Variants in GRM8 observed in about 807,000 individuals in gnomAD.
GRM8 encodes metabotropic glutamate receptor 8.
Under a neutral mutation model 87.2 loss-of-function variants are expected in GRM8, and 47 were observed. The ratio of observed to expected loss-of-function variants is 0.54; its 90% confidence interval spans 0.43 to 0.69. GRM8 has a LOEUF of 0.69. Ranked by LOEUF, GRM8 falls within the 30% of genes least tolerant of loss-of-function variation. The probability of loss-of-function intolerance (pLI) is 0.00; values close to 1 mark genes in which losing one functional copy is unlikely to be tolerated. For missense variants in GRM8, 1,019 were observed against 1,139.2 expected, an observed-to-expected ratio of 0.89 and a Z score of 1.52; for synonymous variants, 396 against 404.5, an observed-to-expected ratio of 0.98 and a Z score of 0.25.
intron 6 of GRM8, among the ~76,000 whole-genome samples, chr7:126,777,988 A>G (rs1319324401): frequency 6.6e-6 from 1 of 152,208 alleles, no homozygotes; most frequent in Non-Finnish European, 1.5e-5. Flanking sequence ...CTATGCCTTT[A>G]TATGATTTTT....
chr7:126,445,272 C>A (rs1054619995), intron 10 of GRM8: 4 of 152,014 alleles, frequency 2.6e-5, no homozygotes, highest in African/African-American at 9.7e-5. Context: ...ATCTGTAGAA[C>A]CTAGTAAGGT....
At chr7:126,463,489 G>A (rs1804129966) in intron 9 of GRM8, among the ~76,000 whole-genome samples, 1 of 151,516 alleles carries the variant, frequency 6.6e-6, no homozygotes, top group Non-Finnish European at 1.5e-5. Context: ...ACATTAATAC[G>A]ATGTTCTAAC....
intron 3 of GRM8, among the ~76,000 whole-genome samples, chr7:126,940,843 C>T (rs1264827669): frequency 1.3e-5 from 2 of 152,110 alleles, no homozygotes; most frequent in Non-Finnish European, 2.9e-5. Context: ...CTGGTTGTCC[C>T]GGCTAAGAGC....
chr7:126,460,846 G>A (rs1290488341), intron 9 of GRM8, among the ~76,000 whole-genome samples: 9 of 151,478 alleles, frequency 5.9e-5, no homozygotes, highest in Admixed American at 5.9e-4. Flanking sequence ...CTTGCTGGTA[G>A]CCCTGCAACT....
intron 1 of GRM8, among the ~76,000 whole-genome samples, chr7:127,244,731 CCCGA>C (rs1210292152): frequency 6.6e-6 from 1 of 152,082 alleles, no homozygotes; most frequent in Non-Finnish European, 1.5e-5. Flanking sequence ...TCCTTCTTGC[CCCGA>C]AAGGAAAGAT....
chr7:127,143,195 G>T (rs577355316), intron 2 of GRM8, among the ~76,000 whole-genome samples: 1 of 152,082 alleles, frequency 6.6e-6, no homozygotes, highest in South Asian at 2.1e-4. Context: ...AGGTAAGCCT[G>T]TTGGAAGGGA....
At chr7:126,505,637 C>T (rs977062540) in intron 9 of GRM8, among the ~76,000 whole-genome samples, 3 of 152,036 alleles carry the variant, frequency 2.0e-5, no homozygotes, top group Non-Finnish European at 4.4e-5. Flanking sequence ...CTAGATGTCT[C>T]CTGCCCCGCT....
At chr7:126,769,222 A>G (rs568352737) in intron 7 of GRM8, among the ~76,000 whole-genome samples, 6 of 152,116 alleles carry the variant, frequency 3.9e-5, no homozygotes, top group Non-Finnish European at 7.4e-5. Flanking sequence ...CACTTCAGAC[A>G]GGCAGTTGGG....
At chr7:127,241,198 G>T (rs1399378906) in intron 2 of GRM8, among the ~76,000 whole-genome samples, 2 of 152,164 alleles carry the variant, frequency 1.3e-5, no homozygotes, top group Non-Finnish European at 2.9e-5. Context: ...TCCATACAGA[G>T]GCTGCACAGC....
intron 9 of GRM8, among the ~76,000 whole-genome samples, chr7:126,498,733 C>G (rs1809167286): frequency 6.6e-6 from 1 of 151,960 alleles, no homozygotes; most frequent in African/African-American, 2.4e-5. Flanking sequence ...CCAATATATT[C>G]AAGCTTCATT....
intron 6 of GRM8, among the ~76,000 whole-genome samples, chr7:126,825,651 T>C (rs907925465): frequency 3.3e-5 from 5 of 152,156 alleles, no homozygotes; most frequent in South Asian, 2.1e-4. Context: ...AGAAAAAAAG[T>C]TGTAACTTCA....
chr7:126,826,629 T>A (rs1392583566), intron 6 of GRM8, among the ~76,000 whole-genome samples: 2 of 152,166 alleles, frequency 1.3e-5, no homozygotes, highest in Non-Finnish European at 2.9e-5. Flanking sequence ...CTTTGTCAGA[T>A]GAGTAGGTTG....
chr7:126,563,365 T>C (rs1279793652), intron 8 of GRM8, among the ~76,000 whole-genome samples: 2 of 151,856 alleles, frequency 1.3e-5, no homozygotes, highest in African/African-American at 4.8e-5. Flanking sequence ...TACTAAGAAA[T>C]TGTAGTGTAA....
At chr7:127,230,820 G>A (rs993870609) in intron 2 of GRM8, among the ~76,000 whole-genome samples, 1 of 151,820 alleles carries the variant, frequency 6.6e-6, no homozygotes, top group Non-Finnish European at 1.5e-5. Context: ...AAATGTGAGG[G>A]GAAAAAAAGG....
At chr7:126,680,922 G>A (rs577724810) in intron 7 of GRM8, among the ~76,000 whole-genome samples, 2 of 152,102 alleles carry the variant, frequency 1.3e-5, no homozygotes, top group Non-Finnish European at 2.9e-5. Context: ...TCACACACAC[G>A]TATGTATTCA....
At chr7:126,816,227 T>C (rs1022339485) in intron 6 of GRM8, among the ~76,000 whole-genome samples, 2 of 152,098 alleles carry the variant, frequency 1.3e-5, no homozygotes, top group South Asian at 2.1e-4. Context: ...AGCTTTCCCA[T>C]GCCAAGAATG....
At chr7:126,518,793 C>T (rs1812543081) in intron 9 of GRM8, among the ~76,000 whole-genome samples, 1 of 151,914 alleles carries the variant, frequency 6.6e-6, no homozygotes, top group African/African-American at 2.4e-5. Context: ...ATGTAGCTGG[C>T]ATTTTTTTTT....
rs551191366 is a variant in GRM8 at position 126,753,297 on chromosome 7, C to T, written c.1357+16568G>A. On this transcript the variant is annotated intron_variant, in intron 7 of 10. Coordinates refer to ENST00000339582, the MANE Select transcript of GRM8 (RefSeq NM_000845.3). ...ATATTTAAATTTTATATATATATGT[C>T]TGTTGTCAAATGGCATAATAACACT... 8.5e-4 allele frequency among the ~76,000 whole-genome samples: 129 copies of T among 151,814 alleles called. No individual in the cohort carries two copies. The Middle Eastern group carries it at 0.014, about 16-fold the overall frequency.
chr7:127,229,257 T>C (rs1243702931), intron 2 of GRM8: 2 of 152,140 alleles, frequency 1.3e-5, no homozygotes, highest in Non-Finnish European at 2.9e-5. Flanking sequence ...CCCCAAACAA[T>C]CCCGAGAGGA....
Sources: allele counts gnomAD v4.1 joint callset (sites outside exome capture counted in the v4.1 genomes callset), GRCh38; gene constraint gnomAD v4.1.1; transcripts MANE v1.5; gene names NCBI Gene and HGNC (gene_info 2026-07-23, HGNC 2026-07-21).